The following ERC2 variants were observed in gnomAD, a reference collection of about 807,000 sequenced individuals.
The protein encoded by ERC2 is ERC protein 2.
ERC2 carries 42 observed loss-of-function variants against 114.8 expected under a neutral mutation model. The ratio of observed to expected loss-of-function variants is 0.37; its 90% CI spans 0.29 to 0.47. The LOEUF is 0.47. ERC2 is among the 20% of genes least tolerant of loss of function. The probability of loss-of-function intolerance (pLI) is 0.99; values close to 1 mark genes in which losing one functional copy is unlikely to be tolerated. For missense variants in ERC2, 939 were observed against 1,150.7 expected (o/e 0.82, Z 2.66); for synonymous variants, 454 against 425.5 (o/e 1.07, Z -0.82).
intron 13 of ERC2, among the ~76,000 whole-genome samples, chr3:55,903,243 G>A (rs1429493355): frequency 1.3e-5 from 2 of 152,028 alleles, no homozygotes; most frequent in African/African-American, 4.8e-5. Flanking sequence ...ATTTTCCCTA[G>A]TAGCTCTTCT....
intron 2 of ERC2, among the ~76,000 whole-genome samples, chr3:56,372,720 T>C (rs529257452): frequency 6.6e-6 from 1 of 152,056 alleles, no homozygotes; most frequent in Admixed American, 6.6e-5. Flanking sequence ...AGAGAGACAC[T>C]CTGCCTTGAA....
intron 14 of ERC2, among the ~76,000 whole-genome samples, chr3:55,861,683 C>A (rs1195873905): frequency 6.6e-6 from 1 of 151,956 alleles, no homozygotes; most frequent in Non-Finnish European, 1.5e-5. Flanking sequence ...CTAGGCAAAT[C>A]GACTATGTAC....
At chr3:55,752,954 T>C (rs1274185458) in intron 14 of ERC2, among the ~76,000 whole-genome samples, 3 of 152,214 alleles carry the variant, frequency 2.0e-5, no homozygotes, top group Non-Finnish European at 4.4e-5. Context: ...ACCGCAGCTC[T>C]ACAACTGGTG....
rs143815751 is a variant in ERC2 at position 56,421,961 on chromosome 3, C to T, written c.657+12390G>A. On this transcript the variant is annotated intron_variant, in intron 2 of 17. Transcript: ENST00000288221. ...CTCAAAAAGAACAAAAAAGATATTTCACAGGGGAAAGTTGCTGGCAGAGGC... is the reference window on the plus strand; with the variant it reads ...CTCAAAAAGAACAAAAAAGATATTTTACAGGGGAAAGTTGCTGGCAGAGGC... Among the ~76,000 whole-genome samples the T allele has an allele frequency of 1.4e-4, 21 of 152,194 alleles. No individual in the cohort carries two copies. The East Asian group carries it at 3.7e-3, about 27-fold the overall frequency.
At position 55,788,535 on chromosome 3, in the gene ERC2, C is replaced by A. The variant is rs113994658; in HGVS notation, c.2565-53617G>T. Among the ~76,000 whole-genome samples the A allele has an allele frequency of 4.2e-3, 636 of 152,272 alleles. 3 individuals are homozygous for A. The highest frequency in any genetic ancestry group is 0.018 in the South Asian group (88 of 4,828). ...TTCAGCCCCATTCCTCAATTCTCAC[C>A]TGGATACACTGAGTCAAGCATATAA... On this transcript the variant is annotated intron_variant, in intron 14 of 17. Transcript: ENST00000288221.
At chr3:55,618,696 G>A (rs2059216860) in intron 17 of ERC2, among the ~76,000 whole-genome samples, 1 of 152,174 alleles carries the variant, frequency 6.6e-6, no homozygotes, top group African/African-American at 2.4e-5. Context: ...CTGGATGGTG[G>A]ATTAGAGGGG....
chr3:55,509,158 A>T lies in ERC2; in HGVS notation c.*2158T>A, dbSNP rs1350385635. 1 of 152,682 alleles carries T rather than the reference A, an allele frequency of 6.5e-6. No homozygotes were observed. The highest frequency in any genetic ancestry group is 1.9e-4 in the East Asian group (1 of 5,196). 9.5% of individuals were successfully genotyped at this position (152,682 alleles called of 1,614,324 possible). A position where few individuals can be genotyped will look rare whatever the true frequency, so the allele number is the denominator to read the frequency against. Reference sequence around the variant, plus strand: ...ATATTTTAACCAATGAAAGTTGGGCAGAAAATGATCCCTCCAAACAAGAGC... The same window carrying T: ...ATATTTTAACCAATGAAAGTTGGGCTGAAAATGATCCCTCCAAACAAGAGC... On this transcript the variant is annotated 3_prime_UTR_variant, in exon 18 of 18. Coordinates refer to ENST00000288221, the MANE Select transcript of ERC2 (RefSeq NM_015576.3).
chr3:56,224,838 G>T (rs895719974), intron 3 of ERC2, among the ~76,000 whole-genome samples: 7 of 152,030 alleles, frequency 4.6e-5, no homozygotes, highest in Non-Finnish European at 8.8e-5. Flanking sequence ...CAGAGAAACT[G>T]AATACCCATT....
intron 17 of ERC2, among the ~76,000 whole-genome samples, chr3:55,609,164 CAA>C (rs2058772859): frequency 6.6e-6 from 1 of 152,192 alleles, no homozygotes; most frequent in African/African-American, 2.4e-5. Context: ...CCACAGAATT[CAA>C]AGTCTCCATG....
At chr3:56,116,499 T>C (rs532191092) in intron 6 of ERC2, among the ~76,000 whole-genome samples, 5 of 152,324 alleles carry the variant, frequency 3.3e-5, no homozygotes, top group African/African-American at 9.6e-5. Context: ...TGTATGTGCA[T>C]TGGGACACTA....
At chr3:56,216,980 T>C (rs2049526124) in intron 3 of ERC2, among the ~76,000 whole-genome samples, 1 of 152,190 alleles carries the variant, frequency 6.6e-6, no homozygotes. Flanking sequence ...TAGGTATTGA[T>C]GGGACGTATC....
intron 17 of ERC2, among the ~76,000 whole-genome samples, chr3:55,533,553 C>A (rs1261681625): frequency 6.6e-6 from 1 of 152,266 alleles, no homozygotes; most frequent in East Asian, 1.9e-4. Flanking sequence ...GCAAAAGGAG[C>A]AAAGAAGCCA....
intron 1 of ERC2, among the ~76,000 whole-genome samples, chr3:56,466,118 A>G (rs533280453): frequency 1.3e-5 from 2 of 152,394 alleles, no homozygotes; most frequent in African/African-American, 4.8e-5. Context: ...TTTAAAAAAG[A>G]TAATGCATAT....
chr3:56,087,555 A>C (rs937281313), intron 6 of ERC2, among the ~76,000 whole-genome samples: 5 of 152,186 alleles, frequency 3.3e-5, no homozygotes, highest in African/African-American at 4.8e-5. Flanking sequence ...TCTAAAAATC[A>C]AACAGTTCAT....
intron 2 of ERC2, among the ~76,000 whole-genome samples, chr3:56,325,980 A>G (rs1322841188): frequency 1.3e-5 from 2 of 152,218 alleles, no homozygotes; most frequent in African/African-American, 4.8e-5. Context: ...CTCTGGTTGC[A>G]TGCTCTTCTT....
intron 4 of ERC2, among the ~76,000 whole-genome samples, chr3:56,151,831 T>G (rs931335806): frequency 1.3e-5 from 2 of 151,962 alleles, no homozygotes; most frequent in Non-Finnish European, 2.9e-5. Flanking sequence ...TAATCTGGAA[T>G]AGAGAAAAAA....
chr3:55,659,604 G>A (rs916444277), intron 17 of ERC2, among the ~76,000 whole-genome samples: 3 of 151,930 alleles, frequency 2.0e-5, no homozygotes, highest in East Asian at 1.9e-4. Flanking sequence ...ACCCACATCC[G>A]TCCATGCCAC....
intron 6 of ERC2, among the ~76,000 whole-genome samples, chr3:56,086,877 TA>T (rs2077532781): frequency 6.6e-6 from 1 of 152,098 alleles, no homozygotes; most frequent in Non-Finnish European, 1.5e-5. Context: ...AATGTTTAGG[TA>T]TATGGAATAC....
intron 3 of ERC2, among the ~76,000 whole-genome samples, chr3:56,258,765 AC>A (rs1431692262): frequency 1.3e-5 from 2 of 152,266 alleles, no homozygotes; most frequent in East Asian, 3.9e-4. Context: ...CTGGAAATGT[AC>A]CTTTGTTCAC....
Sources: gnomAD v4.1 joint callset for allele counts (sites outside exome capture counted in the v4.1 genomes callset) on GRCh38, gnomAD v4.1.1 for gene constraint, MANE v1.5 for transcripts, NCBI Gene and HGNC (gene_info 2026-07-23, HGNC 2026-07-21) for gene names.